ARHGEF28: variants seen among roughly 807,000 people sequenced by gnomAD.
ARHGEF28 encodes Rho guanine nucleotide exchange factor 28, also known as 190 kDa guanine nucleotide exchange factor.
In ARHGEF28, 152 loss-of-function variants were observed where a neutral mutation model predicts 206.6. That is an observed-to-expected ratio of 0.74 (90% CI 0.64 to 0.84). ARHGEF28 has a LOEUF of 0.84. Ranked by LOEUF, ARHGEF28 falls within the 40% of genes least tolerant of loss-of-function variation. The pLI, the probability that ARHGEF28 is intolerant of heterozygous loss-of-function variation, is 0.00. For missense variants in ARHGEF28, 2,028 were observed against 2,073.2 expected, an observed-to-expected ratio of 0.98 and a Z score of 0.42; for synonymous variants, 763 against 776.4, an observed-to-expected ratio of 0.98 and a Z score of 0.29.
intron 9 of ARHGEF28, among the ~76,000 whole-genome samples, chr5:73,824,472 C>CTTT (rs59155790): frequency 7.0e-6 from 1 of 142,122 alleles, no homozygotes; most frequent in South Asian, 2.3e-4. Flanking sequence ...GGTTTGAAGA[C>CTTT]TTTTTTTTTT....
intron 1 of ARHGEF28, among the ~76,000 whole-genome samples, chr5:73,628,217 A>T (rs767519803): frequency 6.6e-6 from 1 of 152,184 alleles, no homozygotes; most frequent in African/African-American, 2.4e-5. Context: ...GCTCTGATAC[A>T]TGACCTCCTT....
chr5:73,812,282 A>G (rs915700876), intron 9 of ARHGEF28, among the ~76,000 whole-genome samples: 1 of 152,178 alleles, frequency 6.6e-6, no homozygotes, highest in Non-Finnish European at 1.5e-5. Context: ...GTGGCACAGT[A>G]GTACCGACAA....
chr5:73,665,323 A>G (rs1745885722), intron 1 of ARHGEF28, among the ~76,000 whole-genome samples: 1 of 152,004 alleles, frequency 6.6e-6, no homozygotes, highest in Admixed American at 6.6e-5. Flanking sequence ...CCCTTAGTCT[A>G]TTTATTTATT....
At chr5:73,759,901 A>G (rs1387606153) in intron 4 of ARHGEF28, among the ~76,000 whole-genome samples, 1 of 152,230 alleles carries the variant, frequency 6.6e-6, no homozygotes, top group Admixed American at 6.5e-5. Context: ...GACAGAGAAA[A>G]ATATCTGTTT....
At chr5:73,794,508 TGAA>T (rs1754680476) in intron 8 of ARHGEF28, 54 bp downstream of exon 8, 1 of 1,419,648 alleles carries the variant, frequency 7.0e-7, no homozygotes, top group Admixed American at 2.1e-5. Flanking sequence ...AAAGTAGAAA[TGAA>T]GATTTAGTGG....
At chr5:73,921,634 A>C (rs970359024) in intron 35 of ARHGEF28, among the ~76,000 whole-genome samples, 7 of 152,226 alleles carry the variant, frequency 4.6e-5, no homozygotes, top group African/African-American at 1.7e-4. Context: ...TTATTTTCAC[A>C]GTGACTCTTT....
In ARHGEF28 at chr5:73,911,498, A is replaced by G. The variant is rs750010594; in HGVS notation, c.4871A>G (p.His1624Arg). The G allele has an allele frequency of 5.0e-6, 8 of 1,613,800 alleles. No individual in the cohort carries two copies. The highest frequency in any genetic ancestry group is 1.1e-5 in the South Asian group (1 of 91,020). ...CCTTCTCAGCCTTCGAATGTCAGTC[A>G]CAAACTGTGGACAGCCGCTGGTTCC... ...VDPSQPSNVS[H>R]KLWTAAGSGH... Residue 1624 changes from histidine (H) to arginine (R), a missense_variant, in exon 35 of 36, where the codon CAC becomes CGC. Physicochemically the swap from His to Arg is conservative, Grantham distance 29. Around this residue, in one of 3 missense-constraint regions of ARHGEF28, gnomAD observed 803 missense variants for 768.0 expected, o/e 1.05. Transcript: ENST00000513042.
intron 29 of ARHGEF28, among the ~76,000 whole-genome samples, chr5:73,896,406 G>A (rs1761963234): frequency 6.6e-6 from 1 of 151,072 alleles, no homozygotes; most frequent in Non-Finnish European, 1.5e-5. Flanking sequence ...ATTGTAGGCT[G>A]TGTTTAAATA....
intron 4 of ARHGEF28, among the ~76,000 whole-genome samples, chr5:73,760,792 A>G (rs1418337410): frequency 6.6e-6 from 1 of 152,176 alleles, no homozygotes; most frequent in Non-Finnish European, 1.5e-5. Context: ...TCTCCCCCCA[A>G]TCATTTGAAT....
At chr5:73,729,734 G>T (rs527557923) in intron 2 of ARHGEF28, among the ~76,000 whole-genome samples, 1 of 152,188 alleles carries the variant, frequency 6.6e-6, no homozygotes, top group Non-Finnish European at 1.5e-5. Context: ...TGGGTAGTAA[G>T]TAGCTAATTT....
chr5:73,922,160 C>G, intron 35 of ARHGEF28, among the ~76,000 whole-genome samples: 1 of 152,178 alleles, frequency 6.6e-6, no homozygotes, highest in Non-Finnish European at 1.5e-5. Flanking sequence ...TGGCCCTTTA[C>G]TGGGCTGTCA....
intron 2 of ARHGEF28, among the ~76,000 whole-genome samples, chr5:73,722,057 C>T (rs1232846230): frequency 6.6e-6 from 1 of 152,084 alleles, no homozygotes; most frequent in Non-Finnish European, 1.5e-5. Context: ...TGCTGCTATT[C>T]AGTGGTAATT....
Position 73,636,412 on chromosome 5 carries a change from G to A in ARHGEF28, c.-12+10090G>A, listed in dbSNP as rs577690827. Among the ~76,000 whole-genome samples, 13 of 152,202 alleles carry A rather than the reference G, an allele frequency of 8.5e-5. No individual in the cohort carries two copies. In the South Asian group the frequency reaches 1.9e-3, roughly 22 times the overall value. ...GATATTGTTTATTAGAGGTTTTTTCGTATTAAAAATAAAGAGTAAGTTTTT... is the reference window on the plus strand; with the variant it reads ...GATATTGTTTATTAGAGGTTTTTTCATATTAAAAATAAAGAGTAAGTTTTT... On this transcript the variant is annotated intron_variant, in intron 1 of 35. Coordinates refer to ENST00000513042, the MANE Select transcript of ARHGEF28 (RefSeq NM_001177693.2).
chr5:73,879,330 A>T (rs1760753784), intron 22 of ARHGEF28, among the ~76,000 whole-genome samples: 1 of 151,894 alleles, frequency 6.6e-6, no homozygotes, highest in African/African-American at 2.4e-5. Flanking sequence ...ATTCGTCTAA[A>T]TTTTTTTCAA....
At chr5:73,712,243 C>G (rs1749296033) in intron 2 of ARHGEF28, among the ~76,000 whole-genome samples, 1 of 151,810 alleles carries the variant, frequency 6.6e-6, no homozygotes, top group South Asian at 2.1e-4. Flanking sequence ...ATCTGTAGTT[C>G]TCTTGTAAAA....
chr5:73,685,321 G>C (rs183120625), intron 2 of ARHGEF28, among the ~76,000 whole-genome samples: 1 of 152,102 alleles, frequency 6.6e-6, no homozygotes, highest in South Asian at 2.1e-4. Context: ...GTTGGCGCTG[G>C]GGGGGACAGG....
chr5:73,909,435 C>T lies in ARHGEF28; in HGVS notation c.4185C>T (p.Ser1395=), dbSNP rs1762739373. 6.2e-7 allele frequency: 1 copy of T among 1,610,956 alleles called. No individual in the cohort carries two copies. The highest frequency in any genetic ancestry group is 2.2e-5 in the East Asian group (1 of 44,824). Residue 1395 remains serine, a synonymous_variant, in exon 34 of 36, where the codon AGC becomes AGT. Transcript: ENST00000513042. ...SLQAALTIQD[S]HIEIHRLVLQ... is the part of the protein sequence containing the mutation. ...AGGCCGCCTTGACCATTCAGGACAG[C>T]CACATTGAGATCCACAGGCTGGTTC...
intron 2 of ARHGEF28, among the ~76,000 whole-genome samples, chr5:73,703,419 G>A (rs988117608): frequency 1.3e-5 from 2 of 152,158 alleles, no homozygotes; most frequent in East Asian, 1.9e-4. Flanking sequence ...GAACAGGACG[G>A]CACTCAGGTG....
At chr5:73,678,408 A>G (rs1287130344) in intron 1 of ARHGEF28, among the ~76,000 whole-genome samples, 1 of 152,236 alleles carries the variant, frequency 6.6e-6, no homozygotes, top group East Asian at 1.9e-4. Flanking sequence ...ATAATGAAAT[A>G]CAAGTTATTG....
Sources: allele counts gnomAD v4.1 joint callset (sites outside exome capture counted in the v4.1 genomes callset), GRCh38; gene constraint gnomAD v4.1.1; regional missense constraint gnomAD v4.1.1; transcripts MANE v1.5; gene names NCBI Gene and HGNC (gene_info 2026-07-23, HGNC 2026-07-21).